PLEKHA7: variants seen among roughly 807,000 people sequenced by gnomAD.
PLEKHA7 encodes pleckstrin homology domain-containing family A member 7.
A neutral mutation model predicts 170.0 loss-of-function variants in PLEKHA7; 104 were observed. The observed-to-expected ratio is 0.61, with a 90% CI of 0.52 to 0.72. The LOEUF (loss-of-function observed/expected upper bound fraction) is 0.72, where lower values mean the gene tolerates loss of function less well. PLEKHA7 is among the 30% of genes least tolerant of loss of function. The pLI is 0.00. For missense variants in PLEKHA7, 1,615 were observed against 1,671.7 expected (o/e 0.97, Z 0.59); for synonymous variants, 648 against 660.8 (o/e 0.98, Z 0.30).
At chr11:17,010,307 C>T (rs981964892) in intron 3 of PLEKHA7, among the ~76,000 whole-genome samples, 1 of 152,038 alleles carries the variant, frequency 6.6e-6, no homozygotes, top group Non-Finnish European at 1.5e-5. Context: ...ATGAGAATCA[C>T]TTGAACCCAA....
intron 12 of PLEKHA7, among the ~76,000 whole-genome samples, chr11:16,813,876 T>C (rs1034639697): frequency 6.6e-6 from 1 of 152,162 alleles, no homozygotes; most frequent in African/African-American, 2.4e-5. Flanking sequence ...AGAAAAAGAC[T>C]CTTTGATTTC....
intron 3 of PLEKHA7, among the ~76,000 whole-genome samples, chr11:16,965,055 T>C (rs1862287958): frequency 6.6e-6 from 1 of 150,446 alleles, no homozygotes; most frequent in South Asian, 2.1e-4. Flanking sequence ...ATGCCTGTAA[T>C]CCCAGCACTT....
chr11:16,871,972 CTTT>C (rs139139631), intron 3 of PLEKHA7, among the ~76,000 whole-genome samples: 23,897 of 136,732 alleles, frequency 0.17, 2,412 homozygotes, highest in Non-Finnish European at 0.24. Context: ...TAAATGTAGA[CTTT>C]TTTTTTTTTT....
intron 26 of PLEKHA7, among the ~76,000 whole-genome samples, chr11:16,779,984 G>A (rs866673540): frequency 2.0e-5 from 3 of 148,670 alleles, no homozygotes; most frequent in South Asian, 4.3e-4. Context: ...ACGGGGAGGG[G>A]GGGGGGAATA....
intron 3 of PLEKHA7, among the ~76,000 whole-genome samples, chr11:16,960,412 A>G (rs1296192603): frequency 6.6e-6 from 1 of 152,156 alleles, no homozygotes; most frequent in Non-Finnish European, 1.5e-5. Context: ...TATTTACTCA[A>G]ACGTTGCCTG....
At chr11:16,917,078 G>C (rs1476877190) in intron 3 of PLEKHA7, among the ~76,000 whole-genome samples, 1 of 152,120 alleles carries the variant, frequency 6.6e-6, no homozygotes, top group Non-Finnish European at 1.5e-5. Flanking sequence ...AATTAGCCGG[G>C]CTTGGTGGCA....
At chr11:16,963,144 A>G (rs537882813) in intron 3 of PLEKHA7, among the ~76,000 whole-genome samples, 1 of 152,340 alleles carries the variant, frequency 6.6e-6, no homozygotes, top group South Asian at 2.1e-4. Context: ...GAGGAGGGCC[A>G]TGCCACTTCT....
intron 12 of PLEKHA7, among the ~76,000 whole-genome samples, chr11:16,814,513 C>G (rs984184618): frequency 6.6e-6 from 1 of 152,174 alleles, no homozygotes; most frequent in African/African-American, 2.4e-5. Flanking sequence ...TCAAGATACC[C>G]GGGAGGGCAG....
intron 3 of PLEKHA7, among the ~76,000 whole-genome samples, chr11:16,954,560 A>C (rs565642716): frequency 5.3e-5 from 8 of 152,058 alleles, no homozygotes; most frequent in Non-Finnish European, 1.2e-4. Flanking sequence ...AAAACTAATA[A>C]GATAGGATGC....
chr11:17,013,433 C>G lies in PLEKHA7; in HGVS notation c.221+556G>C, dbSNP rs1865440395. 16 of 152,844 alleles carry G rather than the reference C, an allele frequency of 1.0e-4. 1 individual carries two copies. Among genetic ancestry groups the G allele is most frequent in the Admixed American group, 1.0e-3 (16 of 15,296 alleles). The allele number at this position is 152,844 out of a possible 1,614,324, so 9.5% of individuals were successfully genotyped here. A position where few individuals can be genotyped will look rare whatever the true frequency, so the allele number is the denominator to read the frequency against. On this transcript the variant is annotated intron_variant, in intron 3 of 26. Coordinates refer to ENST00000531066, the MANE Select transcript of PLEKHA7 (RefSeq NM_001329630.2). ...TTGGTTGACCAGTTCCCTTCCCCAC[C>G]CCCTCCCTCCCCGCAGGCCCGCGCA...
In PLEKHA7 at chr11:16,908,843, G is replaced by T. The variant is rs185364699; in HGVS notation, c.222-37661C>A. 1.1e-4 allele frequency among the ~76,000 whole-genome samples: 17 copies of T among 152,274 alleles called. No homozygotes were observed. In the East Asian group the frequency reaches 2.9e-3, roughly 26 times the overall value. On this transcript the variant is annotated intron_variant, in intron 3 of 26. Coordinates refer to ENST00000531066, the MANE Select transcript of PLEKHA7 (RefSeq NM_001329630.2). Reference sequence around the variant, plus strand: ...AATGCTACCCAGCCTGTGTTATTTTGTAACGCCAGCCCTAGCAGACTAACA... The same window carrying T: ...AATGCTACCCAGCCTGTGTTATTTTTTAACGCCAGCCCTAGCAGACTAACA...
intron 3 of PLEKHA7, among the ~76,000 whole-genome samples, chr11:16,956,991 T>TC (rs934985126): frequency 3.3e-5 from 5 of 152,078 alleles, no homozygotes; most frequent in Non-Finnish European, 7.4e-5. Context: ...CATTATCACC[T>TC]CCCCCCGTGG....
chr11:16,866,651 C>A (rs1854420462), intron 4 of PLEKHA7, among the ~76,000 whole-genome samples: 1 of 152,168 alleles, frequency 6.6e-6, no homozygotes, highest in Non-Finnish European at 1.5e-5. Flanking sequence ...GGACATGAAG[C>A]AAACATGAGA....
chr11:16,813,051 G>C, intron 13 of PLEKHA7, 62 bp downstream of exon 13: 1 of 1,481,554 alleles, frequency 6.7e-7, no homozygotes, highest in African/African-American at 1.4e-5. Context: ...CTTGGCTCCA[G>C]TGAGGTGACA....
intron 3 of PLEKHA7, among the ~76,000 whole-genome samples, chr11:16,891,986 G>A (rs72864090): frequency 0.17 from 25,359 of 152,162 alleles, 2,618 homozygotes; most frequent in Non-Finnish European, 0.24. Flanking sequence ...GTCACTGGGA[G>A]GCATATTTTT....
At chr11:16,811,252 T>C (rs1160218786) in intron 13 of PLEKHA7, among the ~76,000 whole-genome samples, 1 of 152,202 alleles carries the variant, frequency 6.6e-6, no homozygotes, top group African/African-American at 2.4e-5. Context: ...TCAGGTGCAT[T>C]TAGTTCCCTC....
intron 3 of PLEKHA7, among the ~76,000 whole-genome samples, chr11:17,009,770 G>A (rs78301876): frequency 0.02 from 2,999 of 152,072 alleles, 122 homozygotes; most frequent in African/African-American, 0.068. Context: ...CAAGTTGCTA[G>A]GATTACAGGA....
At chr11:16,925,122 C>G (rs985636781) in intron 3 of PLEKHA7, among the ~76,000 whole-genome samples, 1 of 152,248 alleles carries the variant, frequency 6.6e-6, no homozygotes, top group African/African-American at 2.4e-5. Flanking sequence ...GGTCCCCACC[C>G]TCTCCACTGC....
In PLEKHA7 at chr11:16,837,122, C is replaced by A. The variant is rs527982291; in HGVS notation, c.872+4425G>T. Among the ~76,000 whole-genome samples the A allele has an allele frequency of 2.6e-5, 4 of 152,264 alleles. No individual in the cohort carries two copies. The East Asian group carries it at 7.7e-4, about 29-fold the overall frequency. ...TACAGGCATAAGCCACTGCACCTGG[C>A]CTGTGTTTTTTATTTTTAAAGGGAC... On this transcript the variant is annotated intron_variant, in intron 9 of 26. Coordinates refer to ENST00000531066, the MANE Select transcript of PLEKHA7 (RefSeq NM_001329630.2).
Sources: allele counts gnomAD v4.1 joint callset (sites outside exome capture counted in the v4.1 genomes callset), GRCh38; gene constraint gnomAD v4.1.1; transcripts MANE v1.5; gene names NCBI Gene and HGNC (gene_info 2026-07-23, HGNC 2026-07-21).